Variants in UNC13A observed in about 807,000 individuals in gnomAD.
UNC13A encodes unc-13 homolog A, also known as protein unc-13 homolog A.
A neutral mutation model predicts 219.7 loss-of-function variants in UNC13A; 61 were observed. That is an observed-to-expected ratio of 0.28 (90% CI 0.23 to 0.34). The LOEUF is 0.34. UNC13A is among the 10% of genes least tolerant of loss of function. UNC13A has a pLI of 1.00. For missense variants in UNC13A, 1,476 were observed against 2,270.3 expected (o/e 0.65, Z 7.11); for synonymous variants, 920 against 884.6 (o/e 1.04, Z -0.71).
At chr19:17,682,751 A>T (rs549568629) in intron 1 of UNC13A, among the ~76,000 whole-genome samples, 1 of 152,256 alleles carries the variant, frequency 6.6e-6, no homozygotes, top group South Asian at 2.1e-4. Context: ...ATGTCTGTTT[A>T]CTAGATGCAT....
At position 17,642,413 on chromosome 19, in the gene UNC13A, C is replaced by CCCAT. The variant is rs1176585860; in HGVS notation, c.2472+428_2472+431dup. On this transcript the variant is annotated intron_variant, in intron 20 of 43. Transcript: ENST00000519716. ...ATCCATCTATCCATCCATGTACTCA[C>CCCAT]CCATCTCTCCATCCATCCTTTTATC... Among the ~76,000 whole-genome samples the CCCAT allele has an allele frequency of 3.9e-5, 6 of 152,262 alleles. No individual in the cohort carries two copies. In the East Asian group the frequency reaches 1.2e-3, roughly 29 times the overall value.
chr19:17,646,204 G>A, intron 17 of UNC13A, 93 bp from the exon 18 acceptor site: 1 of 1,534,850 alleles, frequency 6.5e-7, no homozygotes, highest in Non-Finnish European at 8.8e-7. Context: ...TGATAATTGG[G>A]ACACCTGCAG....
intron 8 of UNC13A, among the ~76,000 whole-genome samples, chr19:17,661,251 T>C (rs1415555007): frequency 6.6e-6 from 1 of 152,138 alleles, no homozygotes; most frequent in Non-Finnish European, 1.5e-5. Context: ...AGTTGATTTT[T>C]AACCAACTTG....
chr19:17,645,539 C>A (rs1350107609), intron 19 of UNC13A, 135 bp downstream of exon 19: 81 of 1,309,542 alleles, frequency 6.2e-5, no homozygotes, highest in Non-Finnish European at 8.3e-5. Flanking sequence ...CTCCTAGACC[C>A]TGCCTCCCCC....
chr19:17,669,483 T>C, intron 5 of UNC13A, 70 bp downstream of exon 5: 1 of 1,574,758 alleles, frequency 6.4e-7, no homozygotes, highest in Non-Finnish European at 8.7e-7. Context: ...CTGTTCACTC[T>C]CCTGGAATAG....
rs757961084 is a variant in UNC13A at position 17,639,073 on chromosome 19, G to A, written c.3081+10C>T. On this transcript the variant is annotated intron_variant, in intron 25 of 43. Coordinates refer to ENST00000519716, the MANE Select transcript of UNC13A (RefSeq NM_001080421.3). Reference sequence around the variant, plus strand: ...ATCACTGTTCCCTTCTGACCCATCTGGAGTCTCACCGGGTCTGTCTGGTAC... The same window carrying A: ...ATCACTGTTCCCTTCTGACCCATCTAGAGTCTCACCGGGTCTGTCTGGTAC... The A allele has an allele frequency of 8.9e-6, 14 of 1,577,000 alleles. No homozygotes were observed. Among genetic ancestry groups the A allele is most frequent in the Admixed American group, 1.9e-5 (1 of 53,206 alleles).
At chr19:17,648,767 G>A (rs1356475368) in intron 15 of UNC13A, 117 bp from the exon 16 acceptor site, 4 of 1,494,174 alleles carry the variant, frequency 2.7e-6, no homozygotes, top group African/African-American at 1.4e-5. Flanking sequence ...CTGCCTCCAC[G>A]CTGTCGGAAT....
At chr19:17,670,406 A>T (rs975789115) in intron 4 of UNC13A, among the ~76,000 whole-genome samples, 3 of 149,134 alleles carry the variant, frequency 2.0e-5, no homozygotes, top group Non-Finnish European at 4.4e-5. Context: ...ACTCCTGGCT[A>T]ATTTTTTGTA....
At chr19:17,632,736 A>G in intron 28 of UNC13A, 46 bp downstream of exon 28, 1 of 1,612,496 alleles carries the variant, frequency 6.2e-7, no homozygotes, top group East Asian at 2.2e-5. Flanking sequence ...TCTAGCTGTC[A>G]GTGCTACAGT....
chr19:17,632,727 C>T, intron 28 of UNC13A, 55 bp downstream of exon 28: 1 of 1,611,740 alleles, frequency 6.2e-7, no homozygotes. Context: ...GGCTTTCCTT[C>T]TAGCTGTCAG....
intron 15 of UNC13A, 28 bp downstream of exon 15, chr19:17,648,883 AC>A (rs1447431842): frequency 1.3e-6 from 2 of 1,568,038 alleles, no homozygotes; most frequent in Non-Finnish European, 1.7e-6. Context: ...TCCATCCCTG[AC>A]CCGGGGAAAA....
At chr19:17,671,313 G>A (rs1184473321) in intron 4 of UNC13A, among the ~76,000 whole-genome samples, 1 of 152,140 alleles carries the variant, frequency 6.6e-6, no homozygotes, top group Non-Finnish European at 1.5e-5. Context: ...AGTGTGGGGG[G>A]AGATGAGGCT....
chr19:17,672,524 G>C (rs765770192), intron 3 of UNC13A, 29 bp from the exon 4 acceptor site: 9 of 1,587,970 alleles, frequency 5.7e-6, no homozygotes, highest in Non-Finnish European at 7.8e-6. Context: ...GGGCGTCGAG[G>C]GAGCAGGAGG....
At chr19:17,636,709 T>A (rs367932808) in intron 25 of UNC13A, among the ~76,000 whole-genome samples, 3 of 152,158 alleles carry the variant, frequency 2.0e-5, no homozygotes, top group African/African-American at 7.2e-5. Context: ...ATTCTACCTA[T>A]CTAAACCCAA....
At chr19:17,634,200 C>T (rs2076888121) in intron 26 of UNC13A, among the ~76,000 whole-genome samples, 1 of 152,080 alleles carries the variant, frequency 6.6e-6, no homozygotes, top group South Asian at 2.1e-4. Flanking sequence ...ACTCATACAA[C>T]TATCCACCCA....
At chr19:17,626,040 T>C (rs562081192) in intron 34 of UNC13A, among the ~76,000 whole-genome samples, 1 of 150,532 alleles carries the variant, frequency 6.6e-6, no homozygotes, top group South Asian at 2.1e-4. Context: ...TATCTATCCA[T>C]CCATCTACCC....
chr19:17,620,864 C>T, intron 37 of UNC13A, 142 bp from the exon 38 acceptor site: 3 of 913,002 alleles, frequency 3.3e-6, no homozygotes, highest in Non-Finnish European at 3.5e-6. Context: ...TGGTGGGCCC[C>T]CTCCCCAGCT....
At chr19:17,660,380 G>T (rs1259479414) in intron 8 of UNC13A, among the ~76,000 whole-genome samples, 1 of 151,896 alleles carries the variant, frequency 6.6e-6, no homozygotes, top group African/African-American at 2.4e-5. Context: ...CTACTAAGTA[G>T]CTCTTGACTA....
At chr19:17,626,102 A>ATCCATCCATCC (rs2076780635) in intron 34 of UNC13A, among the ~76,000 whole-genome samples, 1 of 151,314 alleles carries the variant, frequency 6.6e-6, no homozygotes, top group Non-Finnish European at 1.5e-5. Flanking sequence ...TTTATGCATC[A>ATCCATCCATCC]AAACATTTAT....
Sources: allele counts gnomAD v4.1 joint callset (sites outside exome capture counted in the v4.1 genomes callset), GRCh38; gene constraint gnomAD v4.1.1; transcripts MANE v1.5; gene names NCBI Gene and HGNC (gene_info 2026-07-23, HGNC 2026-07-21).